The following ROBO2 variants were observed in gnomAD, a reference collection of about 807,000 sequenced individuals.
ROBO2 encodes roundabout homolog 2.
ROBO2 carries 53 observed loss-of-function variants against 160.8 expected under a neutral mutation model. The observed-to-expected ratio is 0.33, with a 90% CI of 0.26 to 0.41. ROBO2 has a LOEUF of 0.41. Ranked by LOEUF, ROBO2 falls within the 10% of genes least tolerant of loss-of-function variation. ROBO2 has a pLI of 1.00. For synonymous variants in ROBO2, 664 were observed against 611.7 expected (o/e 1.09, Z -1.26); for missense variants, 1,577 against 1,722.4 (o/e 0.92, Z 1.49).
chr3:77,053,603 A>G (rs115897719), intron 1 of ROBO2, among the ~76,000 whole-genome samples: 2,357 of 152,278 alleles, frequency 0.015, 30 homozygotes, highest in South Asian at 0.032. Flanking sequence ...TAACATCTTT[A>G]TTAGTCATTT....
chr3:76,832,388 C>A (rs938357823), intron 2 of ROBO2, among the ~76,000 whole-genome samples: 2 of 152,150 alleles, frequency 1.3e-5, no homozygotes, highest in Non-Finnish European at 2.9e-5. Context: ...TATAAGCCTT[C>A]GTCTTTGCCC....
intron 2 of ROBO2, among the ~76,000 whole-genome samples, chr3:77,314,184 G>A (rs1394850194): frequency 6.6e-6 from 1 of 152,108 alleles, no homozygotes; most frequent in African/African-American, 2.4e-5. Context: ...GAAGTCAGAA[G>A]GCAATCTAGC....
intron 2 of ROBO2, among the ~76,000 whole-genome samples, chr3:76,611,937 A>G (rs2088160736): frequency 6.6e-6 from 1 of 152,100 alleles, no homozygotes; most frequent in Non-Finnish European, 1.5e-5. Flanking sequence ...GCAGTATTCC[A>G]TAGTTGTTGG....
intron 20 of ROBO2, 137 bp from the exon 22 acceptor site, chr3:77,607,661 C>A (rs2094550870): frequency 5.1e-6 from 4 of 790,322 alleles, no homozygotes; most frequent in Non-Finnish European, 6.3e-6. Flanking sequence ...CTGATTATAT[C>A]ATTTCATTGT....
intron 2 of ROBO2, among the ~76,000 whole-genome samples, chr3:76,418,716 T>C (rs959879540): frequency 6.6e-6 from 1 of 152,090 alleles, no homozygotes; most frequent in Non-Finnish European, 1.5e-5. Context: ...AAACTCAGTT[T>C]TCTAAAAATG....
At chr3:76,904,763 T>C (rs1199313097) in intron 2 of ROBO2, among the ~76,000 whole-genome samples, 2 of 152,154 alleles carry the variant, frequency 1.3e-5, no homozygotes, top group African/African-American at 2.4e-5. Context: ...AATGTGAGCC[T>C]TTCCCACGCA....
chr3:77,624,313 G>C (rs1268144980), intron 23 of ROBO2, among the ~76,000 whole-genome samples: 1 of 152,022 alleles, frequency 6.6e-6, no homozygotes, highest in Non-Finnish European at 1.5e-5. Flanking sequence ...GTGAGTAAGT[G>C]CTTATAAGTG....
At chr3:76,172,800 AAAT>A (rs1241232091) in intron 2 of ROBO2, among the ~76,000 whole-genome samples, 2 of 152,178 alleles carry the variant, frequency 1.3e-5, no homozygotes, top group African/African-American at 4.8e-5. Context: ...CTTGCTACAA[AAAT>A]AAAAGCTGTT....
intron 2 of ROBO2, among the ~76,000 whole-genome samples, chr3:76,107,578 A>C (rs2070002347): frequency 6.6e-6 from 1 of 151,958 alleles, no homozygotes; most frequent in South Asian, 2.1e-4. Context: ...CTTCCTTTGC[A>C]TACGCTATTT....
intron 2 of ROBO2, among the ~76,000 whole-genome samples, chr3:77,252,831 A>AAAAAAAAAAAAAAT: frequency 2.4e-4 from 3 of 12,520 alleles, no homozygotes; most frequent in African/African-American, 3.2e-4. Flanking sequence ...AAAAAAAAAA[A>AAAAAAAAAAAAAAT]ATATATATAT....
intron 2 of ROBO2, among the ~76,000 whole-genome samples, chr3:76,250,013 G>C (rs901968246): frequency 6.6e-6 from 1 of 152,052 alleles, no homozygotes; most frequent in East Asian, 1.9e-4. Flanking sequence ...AATTTCCCAT[G>C]TTTATTTAAC....
intron 2 of ROBO2, among the ~76,000 whole-genome samples, chr3:76,199,231 A>G (rs746086175): frequency 5.9e-5 from 9 of 152,084 alleles, no homozygotes; most frequent in Non-Finnish European, 1.2e-4. Context: ...CATAGCAGTA[A>G]GTGAGAGAAA....
intron 7 of ROBO2, 88 bp from the exon 9 acceptor site, chr3:77,550,730 A>T: frequency 7.4e-7 from 1 of 1,343,126 alleles, no homozygotes; most frequent in Non-Finnish European, 1.1e-6. Context: ...TCTTTTTCCC[A>T]CTGTATTCCT....
intron 2 of ROBO2, among the ~76,000 whole-genome samples, chr3:77,299,769 T>C (rs1446407894): frequency 6.6e-6 from 1 of 151,846 alleles, no homozygotes; most frequent in Non-Finnish European, 1.5e-5. Flanking sequence ...TAATTGAAAA[T>C]AGGAATCAGA....
intron 6 of ROBO2, among the ~76,000 whole-genome samples, chr3:77,537,102 G>GGT (rs1229103223): frequency 2.1e-5 from 3 of 143,796 alleles, no homozygotes; most frequent in African/African-American, 2.6e-5. Flanking sequence ...TATTTTGTGG[G>GGT]GGGGGGGTGT....
At chr3:76,462,390 AT>A (rs2078133751) in intron 2 of ROBO2, among the ~76,000 whole-genome samples, 1 of 152,170 alleles carries the variant, frequency 6.6e-6, no homozygotes, top group African/African-American at 2.4e-5. Context: ...CTCAGTACAT[AT>A]ACACACACAC....
chr3:76,017,031 A>G (rs561120153), intron 2 of ROBO2, among the ~76,000 whole-genome samples: 55 of 152,288 alleles, frequency 3.6e-4, no homozygotes, highest in African/African-American at 1.3e-3. Flanking sequence ...TTTTGCATAA[A>G]CAACTGTATA....
intron 2 of ROBO2, among the ~76,000 whole-genome samples, chr3:77,232,923 T>A (rs1320577050): frequency 6.6e-6 from 1 of 152,202 alleles, no homozygotes; most frequent in East Asian, 1.9e-4. Context: ...AGCCTAAAAT[T>A]ATATATGATT....
intron 1 of ROBO2, among the ~76,000 whole-genome samples, chr3:77,042,219 T>C (rs1300265786): frequency 3.3e-5 from 5 of 152,212 alleles, no homozygotes; most frequent in African/African-American, 1.2e-4. Flanking sequence ...AGTAGATGTT[T>C]AAGATTTAAT....
Sources: allele counts gnomAD v4.1 joint callset (sites outside exome capture counted in the v4.1 genomes callset), GRCh38; gene constraint gnomAD v4.1.1; transcripts MANE v1.5; gene names NCBI Gene and HGNC (gene_info 2026-07-23, HGNC 2026-07-21).